Variants in VPS13C observed in about 807,000 individuals in gnomAD.
VPS13C encodes intermembrane lipid transfer protein VPS13C.
In VPS13C, 358 loss-of-function variants were observed where a neutral mutation model predicts 456.8. The ratio of observed to expected loss-of-function variants is 0.78; its 90% CI spans 0.72 to 0.86. The LOEUF is 0.86. Ranked by LOEUF, VPS13C falls within the 40% of genes least tolerant of loss-of-function variation. The pLI is 0.00. For missense variants in VPS13C, 4,818 were observed against 4,385.4 expected, an observed-to-expected ratio of 1.10 and a Z score of -2.79; for synonymous variants, 1,578 against 1,486.7, an observed-to-expected ratio of 1.06 and a Z score of -1.41.
At chr15:61,935,031 G>A (rs2044180740) in intron 48 of VPS13C, among the ~76,000 whole-genome samples, 1 of 152,170 alleles carries the variant, frequency 6.6e-6, no homozygotes, top group Non-Finnish European at 1.5e-5. Flanking sequence ...GATTACAGGT[G>A]TGAGCCACTG....
In VPS13C at chr15:61,954,520, T is replaced by C; in HGVS notation, c.4200A>G (p.Ser1400=). 2 of 1,600,898 alleles carry C rather than the reference T, an allele frequency of 1.2e-6. No homozygotes were observed. The highest frequency in any genetic ancestry group is 1.7e-6 in the Non-Finnish European group (2 of 1,175,164). The change falls in exon 38 of 85, where the codon TCA becomes TCG. Residue 1400 remains serine, a synonymous_variant. Transcript: ENST00000644861. The stretch of plus-strand genomic sequence containing the variant: ...TATTTTTTGAATCATGTACATCTTG[T>C]GATATAGAGATTTCAAGGGGCTCTT... ...EIKEPLEISI[S]QDVHDSKNTL...
At chr15:62,008,620 G>T in intron 14 of VPS13C, 35 bp downstream of exon 14, 3 of 1,471,670 alleles carry the variant, frequency 2.0e-6, no homozygotes, top group South Asian at 1.3e-5. Context: ...ATGATTATAT[G>T]TTCCTCACAA....
intron 5 of VPS13C, among the ~76,000 whole-genome samples, chr15:62,030,041 C>T (rs2047759666): frequency 6.6e-6 from 1 of 151,862 alleles, no homozygotes; most frequent in Non-Finnish European, 1.5e-5. Context: ...TGCAGCTGGT[C>T]CAAAAAACAA....
At position 61,878,630 on chromosome 15, in the gene VPS13C, A is replaced by G. The variant is rs1182333093; in HGVS notation, c.10119T>C (p.Thr3373=). The change falls in exon 74 of 85, where the codon ACT becomes ACC. Residue 3373 remains threonine, a synonymous_variant. Coordinates refer to ENST00000644861, the MANE Select transcript of VPS13C (RefSeq NM_020821.3). ...ACTTGAATATAAGGTCATCCACATCAGTCAGAGTAGCACCTATGCTTTTCA... is the reference window on the plus strand; with the variant it reads ...ACTTGAATATAAGGTCATCCACATCGGTCAGAGTAGCACCTATGCTTTTCA... ...LLLKSIGATL[T]DVDDLIFKLA... is the part of the protein sequence containing the mutation. 6.2e-7 allele frequency: 1 copy of G among 1,610,146 alleles called. No individual in the cohort carries two copies. The highest frequency in any genetic ancestry group is 8.5e-7 in the Non-Finnish European group (1 of 1,178,376).
At chr15:61,902,172 T>G (rs2043019729) in intron 66 of VPS13C, among the ~76,000 whole-genome samples, 3 of 148,672 alleles carry the variant, frequency 2.0e-5, no homozygotes, top group East Asian at 4.1e-4. Context: ...GATGACAAGT[T>G]AGTGGGTGCA....
intron 66 of VPS13C, among the ~76,000 whole-genome samples, chr15:61,895,884 G>C (rs1411731322): frequency 6.6e-6 from 1 of 152,100 alleles, no homozygotes; most frequent in Non-Finnish European, 1.5e-5. Flanking sequence ...ATCAGTTCTA[G>C]TGTCCTATAG....
At chr15:61,928,415 C>T (rs1471990801) in intron 51 of VPS13C, among the ~76,000 whole-genome samples, 3 of 152,028 alleles carry the variant, frequency 2.0e-5, no homozygotes, top group Admixed American at 6.6e-5. Context: ...ATAATCTATA[C>T]TGTAAATATA....
At chr15:62,005,691 T>C (rs183252347) in intron 15 of VPS13C, among the ~76,000 whole-genome samples, 2 of 152,002 alleles carry the variant, frequency 1.3e-5, no homozygotes, top group Admixed American at 6.6e-5. Flanking sequence ...CTTATTTTTT[T>C]TATTTTTTAT....
intron 71 of VPS13C, 104 bp downstream of exon 71, chr15:61,881,459 A>C: frequency 8.3e-7 from 1 of 1,204,182 alleles, no homozygotes; most frequent in Non-Finnish European, 1.1e-6. Context: ...TCAGCTGGAA[A>C]ATACTTTTTA....
rs570298500 is a variant in VPS13C at position 61,968,600 on chromosome 15, C to G, written c.2911+699G>C. 9.9e-5 allele frequency among the ~76,000 whole-genome samples: 15 copies of G among 152,146 alleles called. 1 individual carries two copies. In the South Asian group the frequency reaches 1.0e-3, roughly 11 times the overall value. ...GTCCATTCCTACATGCCTCAAATAC[C>G]TGAGCAAACAATATATACACTGAAA... On this transcript the variant is annotated intron_variant, in intron 28 of 84. Transcript: ENST00000644861.
intron 81 of VPS13C, chr15:61,864,666 A>G (rs562400430): frequency 3.7e-4 from 362 of 985,398 alleles, no homozygotes; most frequent in Non-Finnish European, 4.3e-4. Flanking sequence ...CAATTGCAAA[A>G]AGCCATGAAT....
At chr15:61,865,758 AT>A (rs755907887) in intron 81 of VPS13C, 4 of 660,732 alleles carry the variant, frequency 6.1e-6, no homozygotes, top group Non-Finnish European at 7.5e-6. Flanking sequence ...ATGTGTACAT[AT>A]ATGTACGTGT....
At chr15:61,926,454 A>G (rs140863913) in intron 52 of VPS13C, among the ~76,000 whole-genome samples, 1 of 152,328 alleles carries the variant, frequency 6.6e-6, no homozygotes, top group East Asian at 1.9e-4. Context: ...GGTGACATGT[A>G]TAAAGACGAT....
chr15:62,042,950 T>G (rs2048289107), intron 2 of VPS13C, among the ~76,000 whole-genome samples: 2 of 150,454 alleles, frequency 1.3e-5, no homozygotes, highest in Non-Finnish European at 3.0e-5. Flanking sequence ...ACAAAATAGT[T>G]TATTATATTT....
chr15:62,034,879 G>C (rs985406847), intron 4 of VPS13C, 78 bp downstream of exon 4: 2 of 936,246 alleles, frequency 2.1e-6, no homozygotes, highest in African/African-American at 3.4e-5. Flanking sequence ...ATAAATAAAT[G>C]TATTAAAATA....
At chr15:61,862,027 G>T (rs1894253526) in intron 82 of VPS13C, among the ~76,000 whole-genome samples, 1 of 152,190 alleles carries the variant, frequency 6.6e-6, no homozygotes, top group African/African-American at 2.4e-5. Context: ...TTGAACCCAG[G>T]AGGCAGAGGT....
At chr15:61,977,423 T>C (rs1171697102) in intron 23 of VPS13C, among the ~76,000 whole-genome samples, 1 of 152,004 alleles carries the variant, frequency 6.6e-6, no homozygotes, top group Non-Finnish European at 1.5e-5. Flanking sequence ...AAGACTGTGA[T>C]ATAAAATAAT....
At chr15:61,949,746 A>G in intron 41 of VPS13C, 141 bp from the exon 42 acceptor site, 1 of 709,512 alleles carries the variant, frequency 1.4e-6, no homozygotes, top group East Asian at 3.1e-5. Context: ...CTCACTATTA[A>G]CTCACTATTA....
At chr15:62,018,815 G>C (rs1019335802) in intron 9 of VPS13C, among the ~76,000 whole-genome samples, 5 of 152,134 alleles carry the variant, frequency 3.3e-5, no homozygotes, top group African/African-American at 1.2e-4. Flanking sequence ...ATGAGTTAGG[G>C]AGGATTCCCT....
Sources: allele counts gnomAD v4.1 joint callset (sites outside exome capture counted in the v4.1 genomes callset), GRCh38; gene constraint gnomAD v4.1.1; transcripts MANE v1.5; gene names NCBI Gene and HGNC (gene_info 2026-07-23, HGNC 2026-07-21).